The following NEK4 variants were observed in gnomAD, a reference collection of about 807,000 sequenced individuals.
NEK4 encodes the protein serine/threonine-protein kinase Nek4.
Under a neutral mutation model 98.4 loss-of-function variants are expected in NEK4, and 86 were observed. The ratio of observed to expected loss-of-function variants is 0.87; its 90% CI spans 0.73 to 1.05. NEK4 has a LOEUF of 1.05. Ranked by LOEUF, NEK4 falls within the 50% of genes least tolerant of loss-of-function variation. The pLI, the probability that NEK4 is intolerant of heterozygous loss-of-function variation, is 0.00. For missense variants in NEK4, 898 were observed against 950.3 expected (o/e 0.94, Z 0.72); for synonymous variants, 328 against 342.2 (o/e 0.96, Z 0.46).
At chr3:52,765,498 G>A (rs1239835303) in intron 4 of NEK4, among the ~76,000 whole-genome samples, 2 of 152,158 alleles carry the variant, frequency 1.3e-5, no homozygotes, top group African/African-American at 4.8e-5. Flanking sequence ...ACTAGTTACT[G>A]ATTGTTGTGA....
intron 15 of NEK4, among the ~76,000 whole-genome samples, chr3:52,723,083 T>G (rs1383656957): frequency 1.3e-5 from 2 of 152,022 alleles, no homozygotes; most frequent in African/African-American, 4.8e-5. Context: ...CATGTGCCTG[T>G]AGTTCCAGCC....
chr3:52,754,000 C>T, intron 6 of NEK4: 1 of 260,354 alleles, frequency 3.8e-6, no homozygotes, highest in Non-Finnish European at 7.5e-6. Context: ...CCGTCTCTAA[C>T]CAAAAATATA....
chr3:52,744,901 C>A (rs2097393318), intron 10 of NEK4, among the ~76,000 whole-genome samples: 1 of 151,662 alleles, frequency 6.6e-6, no homozygotes, highest in Admixed American at 6.6e-5. Context: ...TCACATTTGC[C>A]ATATTCGGAA....
chr3:52,741,684 A>C (rs942396965), intron 12 of NEK4, among the ~76,000 whole-genome samples, 185 bp from the exon 13 acceptor site: 3 of 152,122 alleles, frequency 2.0e-5, no homozygotes, highest in African/African-American at 7.2e-5. Context: ...CATTGAAGTG[A>C]TTTTACCCGT....
intron 8 of NEK4, among the ~76,000 whole-genome samples, chr3:52,749,184 G>A (rs1207908513): frequency 6.6e-6 from 1 of 152,016 alleles, no homozygotes; most frequent in African/African-American, 2.4e-5. Context: ...CCAGGCTGGA[G>A]TGCACTGGGT....
chr3:52,763,904 A>G (rs1698449834), intron 4 of NEK4, among the ~76,000 whole-genome samples: 1 of 152,248 alleles, frequency 6.6e-6, no homozygotes, highest in Non-Finnish European at 1.5e-5. Flanking sequence ...GGGATGTTCA[A>G]TGCAGTACTG....
chr3:52,764,296 A>AG, intron 4 of NEK4, among the ~76,000 whole-genome samples: 1 of 151,694 alleles, frequency 6.6e-6, no homozygotes, highest in African/African-American at 2.4e-5. Flanking sequence ...AAAAAAAAAA[A>AG]AAAAGAAAGA....
intron 15 of NEK4, among the ~76,000 whole-genome samples, chr3:52,729,599 T>C (rs1049355483): frequency 9.9e-5 from 15 of 151,598 alleles, no homozygotes; most frequent in Admixed American, 2.6e-4. Flanking sequence ...TCCCAGCTAC[T>C]TGGGAGGCTG....
At chr3:52,770,537 G>T in intron 1 of NEK4, 117 bp downstream of exon 1, 1 of 753,294 alleles carries the variant, frequency 1.3e-6, no homozygotes, top group Non-Finnish European at 2.3e-6. Context: ...CCATTTCCCT[G>T]AGGAAACGCC....
chr3:52,744,371 T>C (rs2097392115), intron 10 of NEK4, 66 bp from the exon 11 acceptor site: 2 of 1,171,954 alleles, frequency 1.7e-6, no homozygotes, highest in South Asian at 1.2e-5. Context: ...CTACAATCCA[T>C]GATGTATCAT....
intron 6 of NEK4, chr3:52,754,671 GA>G: frequency 1.6e-6 from 1 of 617,082 alleles, no homozygotes; most frequent in Non-Finnish European, 3.1e-6. Flanking sequence ...TTTCAGTAAA[GA>G]AGAGAAAACA....
chr3:52,738,322 T>G (rs557051086), intron 14 of NEK4, among the ~76,000 whole-genome samples: 1 of 152,040 alleles, frequency 6.6e-6, no homozygotes, highest in Non-Finnish European at 1.5e-5. Flanking sequence ...CGGTTGGTCT[T>G]GAACTCCTGG....
At chr3:52,743,289 T>A (rs2097389792) in intron 12 of NEK4, 63 bp downstream of exon 12, 1 of 1,266,044 alleles carries the variant, frequency 7.9e-7, no homozygotes, top group South Asian at 1.2e-5. Flanking sequence ...TTTAAAAGGT[T>A]TACTGCATTA....
intron 15 of NEK4, among the ~76,000 whole-genome samples, chr3:52,732,111 GTCT>G (rs1445983964): frequency 1.3e-5 from 2 of 152,214 alleles, no homozygotes; most frequent in African/African-American, 4.8e-5. Flanking sequence ...TCTCAAGTAT[GTCT>G]TTATTAGCAG....
chr3:52,734,281 C>T (rs1044418734), intron 15 of NEK4, among the ~76,000 whole-genome samples: 41 of 151,964 alleles, frequency 2.7e-4, no homozygotes, highest in African/African-American at 9.2e-4. Flanking sequence ...CCCGTCTCTA[C>T]TCTACTAAAT....
At chr3:52,752,925 T>TACACACACACACACACACAC (rs1559441326) in intron 6 of NEK4, among the ~76,000 whole-genome samples, 20 of 43,156 alleles carry the variant, frequency 4.6e-4, no homozygotes, top group African/African-American at 1.8e-3. Context: ...AAAATATATA[T>TACACACACACACACACACAC]ATATATATAC....
rs750388223 is a variant in NEK4, at chr3:52,746,140, T to C, written c.1748A>G (p.Gln583Arg). The C allele has an allele frequency of 3.6e-5, 58 of 1,614,044 alleles. No individual in the cohort carries two copies. The highest frequency in any genetic ancestry group is 4.5e-5 in the Non-Finnish European group (53 of 1,180,002). The stretch of plus-strand genomic sequence containing the variant: ...TCTACGTTGGTTTTCAGCCTCTTTT[T>C]GTGTTGATGTGACATCCACTTTCCC... ...IVGKVDVTSTQKEAENQRRVV... is the reference protein window; with the variant it reads ...IVGKVDVTSTRKEAENQRRVV... Residue 583 changes from glutamine to arginine, a missense_variant, in exon 10 of 16, where the codon CAA (glutamine) becomes CGA (arginine). Physicochemically the swap from Gln to Arg is conservative, Grantham distance 43. Coordinates refer to ENST00000233027, the MANE Select transcript of NEK4 (RefSeq NM_003157.6).
At chr3:52,757,248 T>C (rs1698141355) in intron 6 of NEK4, among the ~76,000 whole-genome samples, 1 of 152,208 alleles carries the variant, frequency 6.6e-6, no homozygotes, top group South Asian at 2.1e-4. Flanking sequence ...TCTGGTTATA[T>C]ACCCAACAAA....
chr3:52,739,783 A>C lies in NEK4; in HGVS notation c.2094-149T>G, dbSNP rs181683628. 7.6e-4 allele frequency: 487 copies of C among 644,992 alleles called. 4 individuals are homozygous for C. The African/African-American group carries it at 8.6e-3, about 11-fold the overall frequency. 40.0% of individuals were successfully genotyped at this position (644,992 alleles called of 1,614,324 possible). ...CTGACCTGACCCTTCCACAAATAACAACTATAAACTCTAGAAAAAATACAA... is the reference window on the plus strand; with the variant it reads ...CTGACCTGACCCTTCCACAAATAACCACTATAAACTCTAGAAAAAATACAA... On this transcript the variant is annotated intron_variant, in intron 13 of 15. Coordinates refer to ENST00000233027, the MANE Select transcript of NEK4 (RefSeq NM_003157.6).
Sources: gnomAD v4.1 joint callset for allele counts (sites outside exome capture counted in the v4.1 genomes callset) on GRCh38, gnomAD v4.1.1 for gene constraint, MANE v1.5 for transcripts, NCBI Gene and HGNC (gene_info 2026-07-23, HGNC 2026-07-21) for gene names.